HS6ST3: variants seen among roughly 807,000 people sequenced by gnomAD.
HS6ST3 encodes heparan-sulfate 6-O-sulfotransferase 3.
HS6ST3 carries 12 observed loss-of-function variants against 36.7 expected under a neutral mutation model. The observed-to-expected ratio is 0.33, with a 90% CI of 0.21 to 0.53. The LOEUF (loss-of-function observed/expected upper bound fraction) is 0.53. HS6ST3 is among the 20% of genes least tolerant of loss of function. HS6ST3 has a pLI of 0.95. For synonymous variants in HS6ST3, 240 were observed against 257.5 expected, an observed-to-expected ratio of 0.93 and a Z score of 0.65; for missense variants, 584 against 640.9, an observed-to-expected ratio of 0.91 and a Z score of 0.96.
At chr13:96,533,251 G>A (rs990320385) in intron 1 of HS6ST3, among the ~76,000 whole-genome samples, 2 of 152,122 alleles carry the variant, frequency 1.3e-5, no homozygotes, top group African/African-American at 4.8e-5. Flanking sequence ...AGACTGATGA[G>A]TTATTTGGAC....
chr13:96,389,430 G>A (rs959232946), intron 1 of HS6ST3, among the ~76,000 whole-genome samples: 6 of 152,096 alleles, frequency 3.9e-5, no homozygotes, highest in Non-Finnish European at 7.4e-5. Context: ...AAATAAATAT[G>A]TATATCAAGT....
At chr13:96,789,702 C>A (rs1877734788) in intron 1 of HS6ST3, among the ~76,000 whole-genome samples, 1 of 150,028 alleles carries the variant, frequency 6.7e-6, no homozygotes, top group Non-Finnish European at 1.5e-5. Context: ...ATTGAGGGTT[C>A]TTTTCTTTCA....
intron 1 of HS6ST3, among the ~76,000 whole-genome samples, chr13:96,133,949 T>G (rs1331535203): frequency 6.6e-6 from 1 of 152,062 alleles, no homozygotes; most frequent in Non-Finnish European, 1.5e-5. Context: ...CCATTTTGAG[T>G]TGATTTTTGT....
chr13:96,508,347 C>T (rs1307758307), intron 1 of HS6ST3, among the ~76,000 whole-genome samples: 1 of 151,902 alleles, frequency 6.6e-6, no homozygotes, highest in African/African-American at 2.4e-5. Flanking sequence ...CCCCCTACAC[C>T]CCCGATCCTC....
intron 1 of HS6ST3, among the ~76,000 whole-genome samples, chr13:96,197,239 A>T (rs1815354): frequency 0.54 from 82,346 of 152,012 alleles, 22,700 homozygotes; most frequent in African/African-American, 0.64. Context: ...AGGCCTCAGA[A>T]TCATAGCAGT....
At chr13:96,131,032 G>T (rs1216968709) in intron 1 of HS6ST3, among the ~76,000 whole-genome samples, 1 of 152,084 alleles carries the variant, frequency 6.6e-6, no homozygotes, top group East Asian at 1.9e-4. Flanking sequence ...AGGGCCAGGG[G>T]GTGTCAGGGA....
intron 1 of HS6ST3, among the ~76,000 whole-genome samples, chr13:96,207,848 G>A (rs72642929): frequency 1.3e-5 from 2 of 152,088 alleles, no homozygotes; most frequent in Non-Finnish European, 1.5e-5. Flanking sequence ...CATGGGGGAA[G>A]GGATAGCATC....
intron 1 of HS6ST3, among the ~76,000 whole-genome samples, chr13:96,496,345 C>T (rs779999358): frequency 1.3e-5 from 2 of 152,136 alleles, no homozygotes; most frequent in African/African-American, 2.4e-5. Flanking sequence ...ACCATCAATG[C>T]CTTCCCGCTT....
intron 1 of HS6ST3, among the ~76,000 whole-genome samples, chr13:96,304,864 C>A (rs2054904533): frequency 6.6e-6 from 1 of 151,738 alleles, no homozygotes; most frequent in African/African-American, 2.4e-5. Flanking sequence ...GCACCTGCCA[C>A]CATGCCCAGC....
In HS6ST3 at chr13:96,527,840, C is replaced by CAA. The variant is rs145325459; in HGVS notation, c.708-304649_708-304648insAA. Among the ~76,000 whole-genome samples, 1,317 of 152,204 alleles carry CAA rather than the reference C, an allele frequency of 8.7e-3. 22 individuals carry two copies. Among genetic ancestry groups the CAA allele is most frequent in the African/African-American group, 0.031 (1,273 of 41,528 alleles). ...GTAGCATTGTTCTCAAAGTATAACT[C>CAA]ACAGACCCCTGGAGATCCCAAGACT... On this transcript the variant is annotated intron_variant, in intron 1 of 1. Transcript: ENST00000376705.
At chr13:96,448,524 A>C (rs2055710366) in intron 1 of HS6ST3, among the ~76,000 whole-genome samples, 1 of 151,066 alleles carries the variant, frequency 6.6e-6, no homozygotes, top group African/African-American at 2.5e-5. Flanking sequence ...GGGTATTTCC[A>C]GTGTTTACTA....
At chr13:96,761,295 C>A (rs1464842485) in intron 1 of HS6ST3, among the ~76,000 whole-genome samples, 1 of 152,010 alleles carries the variant, frequency 6.6e-6, no homozygotes, top group South Asian at 2.1e-4. Flanking sequence ...AATTAACTAT[C>A]GTGATGATTT....
At chr13:96,338,934 A>T (rs950755725) in intron 1 of HS6ST3, among the ~76,000 whole-genome samples, 4 of 152,146 alleles carry the variant, frequency 2.6e-5, no homozygotes, top group African/African-American at 9.6e-5. Flanking sequence ...GAGGGTAGGA[A>T]GTGGTGCTTT....
intron 1 of HS6ST3, among the ~76,000 whole-genome samples, chr13:96,287,046 C>A (rs901548843): frequency 6.6e-6 from 1 of 152,094 alleles, no homozygotes; most frequent in Non-Finnish European, 1.5e-5. Context: ...AATGCCAGGG[C>A]ACAGCCTCTC....
chr13:96,702,952 G>A (rs1875327066), intron 1 of HS6ST3, among the ~76,000 whole-genome samples: 1 of 152,112 alleles, frequency 6.6e-6, no homozygotes, highest in South Asian at 2.1e-4. Context: ...TGTTGTTATT[G>A]TTGTTATTTT....
At chr13:96,696,203 G>T (rs1875123201) in intron 1 of HS6ST3, among the ~76,000 whole-genome samples, 2 of 152,184 alleles carry the variant, frequency 1.3e-5, no homozygotes, top group South Asian at 4.1e-4. Context: ...GGAACTTTCT[G>T]GCATGGGCTG....
chr13:96,133,657 AGGTG>A (rs1259699917), intron 1 of HS6ST3, among the ~76,000 whole-genome samples: 1 of 151,284 alleles, frequency 6.6e-6, no homozygotes, highest in Non-Finnish European at 1.5e-5. Flanking sequence ...TCCTGACCTC[AGGTG>A]ATTTGCCCGC....
chr13:96,424,127 A>G (rs1286893961), intron 1 of HS6ST3, among the ~76,000 whole-genome samples: 3 of 152,204 alleles, frequency 2.0e-5, no homozygotes, highest in Non-Finnish European at 4.4e-5. Flanking sequence ...CAATGACCAT[A>G]TTTATTAGAG....
At chr13:96,319,422 GT>G (rs770045705) in intron 1 of HS6ST3, among the ~76,000 whole-genome samples, 5 of 152,136 alleles carry the variant, frequency 3.3e-5, no homozygotes, top group Non-Finnish European at 7.4e-5. Flanking sequence ...TTGTTTGAAT[GT>G]TTTGGCTCTT....
Sources: allele counts gnomAD v4.1 joint callset (sites outside exome capture counted in the v4.1 genomes callset), GRCh38; gene constraint gnomAD v4.1.1; transcripts MANE v1.5; gene names NCBI Gene and HGNC (gene_info 2026-07-23, HGNC 2026-07-21).